SNX29: variants seen among roughly 807,000 people sequenced by gnomAD.
The protein encoded by SNX29 is sorting nexin-29.
A neutral mutation model predicts 102.1 loss-of-function variants in SNX29; 78 were observed. The ratio of observed to expected loss-of-function variants is 0.76; its 90% CI spans 0.64 to 0.92. The LOEUF is 0.92. Ranked by LOEUF, SNX29 falls within the 40% of genes least tolerant of loss-of-function variation. The pLI is 0.00. For missense variants in SNX29, 1,280 were observed against 1,061.7 expected (o/e 1.21, Z -2.86); for synonymous variants, 580 against 414.5 (o/e 1.40, Z -4.85).
intron 18 of SNX29, among the ~76,000 whole-genome samples, chr16:12,411,026 A>C (rs1462867757): frequency 6.6e-6 from 1 of 152,176 alleles, no homozygotes; most frequent in African/African-American, 2.4e-5. Context: ...AGAATTCATT[A>C]AGTAGAGAAA....
At chr16:12,410,860 T>G (rs1041871023) in intron 18 of SNX29, among the ~76,000 whole-genome samples, 4 of 152,226 alleles carry the variant, frequency 2.6e-5, no homozygotes, top group Non-Finnish European at 5.9e-5. Context: ...TCAGGTGGTT[T>G]GGAGGATGGT....
intron 19 of SNX29, among the ~76,000 whole-genome samples, chr16:12,517,852 G>T (rs1375766198): frequency 6.6e-6 from 1 of 152,186 alleles, no homozygotes; most frequent in East Asian, 1.9e-4. Context: ...AGGTCTCTCG[G>T]AGGTATTGGC....
intron 1 of SNX29, among the ~76,000 whole-genome samples, chr16:11,994,166 G>T (rs1225660131): frequency 6.6e-6 from 1 of 152,144 alleles, no homozygotes; most frequent in African/African-American, 2.4e-5. Flanking sequence ...ACCCAACTAG[G>T]TGACTGACTT....
At chr16:12,500,802 T>C (rs1454320996) in intron 19 of SNX29, among the ~76,000 whole-genome samples, 2 of 152,204 alleles carry the variant, frequency 1.3e-5, no homozygotes, top group Non-Finnish European at 2.9e-5. Context: ...ACAAGCAAGT[T>C]TGAGAAGCAC....
At chr16:12,004,210 G>A (rs574968893) in intron 3 of SNX29, among the ~76,000 whole-genome samples, 40 of 151,736 alleles carry the variant, frequency 2.6e-4, no homozygotes, top group Non-Finnish European at 3.8e-4. Context: ...GCACGGTGGC[G>A]GGTGCCTGTA....
intron 20 of SNX29, among the ~76,000 whole-genome samples, chr16:12,545,125 C>T (rs1156750710): frequency 6.6e-6 from 1 of 152,152 alleles, no homozygotes; most frequent in African/African-American, 2.4e-5. Flanking sequence ...TGTGAGGCCC[C>T]ACTTACCTAG....
intron 15 of SNX29, among the ~76,000 whole-genome samples, chr16:12,318,021 G>A (rs1018701301): frequency 2.6e-5 from 4 of 152,240 alleles, no homozygotes; most frequent in Admixed American, 1.3e-4. Flanking sequence ...TCACGCCACC[G>A]ATGGAGGACT....
At chr16:12,272,249 G>A (rs1269930700) in intron 14 of SNX29, among the ~76,000 whole-genome samples, 2 of 151,768 alleles carry the variant, frequency 1.3e-5, no homozygotes, top group African/African-American at 2.4e-5. Context: ...GACGGGGCTA[G>A]TGCCTTGGGG....
intron 9 of SNX29, among the ~76,000 whole-genome samples, chr16:12,067,031 A>ATAAC (rs1482338557): frequency 8.3e-6 from 1 of 120,624 alleles, no homozygotes; most frequent in Non-Finnish European, 1.7e-5. Context: ...AAATAAATAA[A>ATAAC]TAAGCAGGCC....
At chr16:12,151,908 G>A (rs950200329) in intron 13 of SNX29, among the ~76,000 whole-genome samples, 9 of 152,078 alleles carry the variant, frequency 5.9e-5, no homozygotes, top group African/African-American at 2.2e-4. Context: ...GCCAATTTTT[G>A]TATTTTTAGT....
chr16:12,281,071 C>T (rs2079415293), intron 15 of SNX29, among the ~76,000 whole-genome samples: 1 of 152,164 alleles, frequency 6.6e-6, no homozygotes, highest in Non-Finnish European at 1.5e-5. Flanking sequence ...CTATTCCCAG[C>T]TAATTTTTTT....
At chr16:12,424,805 C>G (rs2084996947) in intron 18 of SNX29, among the ~76,000 whole-genome samples, 1 of 152,192 alleles carries the variant, frequency 6.6e-6, no homozygotes, top group Non-Finnish European at 1.5e-5. Flanking sequence ...GGATCAGACA[C>G]TGTGTTAAGG....
At position 12,145,571 on chromosome 16, in the gene SNX29, G is replaced by C. The variant is rs765640608; in HGVS notation, c.1595+15813G>C. Among the ~76,000 whole-genome samples the C allele has an allele frequency of 2.4e-4, 36 of 152,194 alleles. 1 individual carries two copies. Among genetic ancestry groups the C allele is most frequent in the Admixed American group, 5.9e-4 (9 of 15,274 alleles). ...TCCGGGAATACCAGAAAAGTTTAAA[G>C]AGGAAAATCACCTGAACACAATTAC... On this transcript the variant is annotated intron_variant, in intron 13 of 20. Coordinates refer to ENST00000566228, the MANE Select transcript of SNX29 (RefSeq NM_032167.5).
intron 7 of SNX29, among the ~76,000 whole-genome samples, chr16:12,050,595 C>G (rs2050259734): frequency 6.6e-6 from 1 of 152,170 alleles, no homozygotes; most frequent in Admixed American, 6.6e-5. Context: ...GCCTCTCATC[C>G]TCCAGTCGGC....
At chr16:12,386,225 CT>C (rs1486902302) in intron 16 of SNX29, among the ~76,000 whole-genome samples, 2 of 152,124 alleles carry the variant, frequency 1.3e-5, no homozygotes, top group African/African-American at 4.8e-5. Context: ...GTGAAAGACT[CT>C]TCCTGGGGCC....
At chr16:12,090,610 C>G (rs2052479390) in intron 11 of SNX29, among the ~76,000 whole-genome samples, 1 of 152,202 alleles carries the variant, frequency 6.6e-6, no homozygotes, top group Non-Finnish European at 1.5e-5. Context: ...CCTGGTTTCC[C>G]ATTTCCATCC....
chr16:12,273,868 C>A (rs1346418217), intron 14 of SNX29, among the ~76,000 whole-genome samples: 2 of 152,230 alleles, frequency 1.3e-5, no homozygotes, highest in Non-Finnish European at 2.9e-5. Context: ...CTTCTTTCCC[C>A]TGGCTGAATG....
At chr16:12,375,675 A>G (rs983839453) in intron 16 of SNX29, 2 of 152,228 alleles carry the variant, frequency 1.3e-5, no homozygotes, top group African/African-American at 4.8e-5. Context: ...CACTGCGGCC[A>G]AAGAAAGCAA....
Position 12,078,875 on chromosome 16 carries a change from C to T in SNX29, c.1362C>T (p.Ser454=). 1 of 1,607,208 alleles carries T rather than the reference C, an allele frequency of 6.2e-7. No individual in the cohort carries two copies. Among genetic ancestry groups the T allele is most frequent in the African/African-American group, 1.3e-5 (1 of 74,958 alleles). The change falls in exon 11 of 21, where the codon AGC becomes AGT. Residue 454 remains serine, a synonymous_variant. Transcript: ENST00000566228. ...CAGGCCACGGAAGTCCTCTGAGCAG[C>T]CTGTTACCTTCTGCCTCAGTGCCAG... ...SSPGHGSPLS[S]LLPSASVPES... is the part of the protein sequence containing the mutation.
Sources: gnomAD v4.1 joint callset for allele counts (sites outside exome capture counted in the v4.1 genomes callset) on GRCh38, gnomAD v4.1.1 for gene constraint, MANE v1.5 for transcripts, NCBI Gene and HGNC (gene_info 2026-07-23, HGNC 2026-07-21) for gene names.